The following IL23R variants were observed in gnomAD, a reference collection of about 807,000 sequenced individuals.
IL23R encodes the protein interleukin 23 receptor.
Under a neutral mutation model 56.9 loss-of-function variants are expected in IL23R, and 34 were observed. The ratio of observed to expected loss-of-function variants is 0.60; its 90% CI spans 0.45 to 0.80. The LOEUF (loss-of-function observed/expected upper bound fraction) is 0.80. Ranked by LOEUF, IL23R falls within the 30% of genes least tolerant of loss-of-function variation. IL23R has a pLI of 0.00. For synonymous variants in IL23R, 230 were observed against 249.2 expected (o/e 0.92, Z 0.73); for missense variants, 635 against 730.0 (o/e 0.87, Z 1.50).
intron 8 of IL23R, among the ~76,000 whole-genome samples, chr1:67,238,241 G>T (rs964991776): frequency 6.6e-6 from 1 of 151,870 alleles, no homozygotes; most frequent in Admixed American, 6.6e-5. Flanking sequence ...CCAGCTACTT[G>T]GGAGGCTGAG....
intron 1 of IL23R, among the ~76,000 whole-genome samples, chr1:67,159,874 G>T (rs901287462): frequency 6.6e-6 from 1 of 152,166 alleles, no homozygotes; most frequent in Non-Finnish European, 1.5e-5. Context: ...TCTGTACGAC[G>T]CATTAATTAC....
intron 6 of IL23R, among the ~76,000 whole-genome samples, chr1:67,213,266 AG>A (rs1649620209): frequency 6.6e-6 from 1 of 152,220 alleles, no homozygotes; most frequent in Non-Finnish European, 1.5e-5. Context: ...GTTGTGGGAA[AG>A]GGGATCCAAT....
chr1:67,221,123 C>T (rs1281706857), intron 7 of IL23R, among the ~76,000 whole-genome samples: 1 of 152,150 alleles, frequency 6.6e-6, no homozygotes, highest in African/African-American at 2.4e-5. Flanking sequence ...GAGCTTGAGA[C>T]CAGCCTGGCC....
intron 7 of IL23R, among the ~76,000 whole-genome samples, chr1:67,222,157 C>T (rs1356234622): frequency 8.6e-6 from 1 of 116,498 alleles, no homozygotes; most frequent in Non-Finnish European, 1.6e-5. Context: ...TGCTCTTTTG[C>T]CCAGCCTGAG....
At chr1:67,222,102 C>CTTTTTTTTTTTTTTTTTTTTTTTTTT (rs72241835) in intron 7 of IL23R, among the ~76,000 whole-genome samples, 9 of 58,900 alleles carry the variant, frequency 1.5e-4, no homozygotes, top group East Asian at 6.0e-4. Flanking sequence ...TTCTTTCTTT[C>CTTTTTTTTTTTTTTTTTTTTTTTTTT]TTTTTTTTTT....
At chr1:67,232,835 T>C (rs1651188463) in intron 7 of IL23R, among the ~76,000 whole-genome samples, 1 of 151,996 alleles carries the variant, frequency 6.6e-6, no homozygotes, top group South Asian at 2.1e-4. Flanking sequence ...CGGGAGGTAA[T>C]TGAATGGTGG....
intron 4 of IL23R, among the ~76,000 whole-genome samples, chr1:67,188,779 C>T (rs553434495): frequency 6.6e-6 from 1 of 152,222 alleles, no homozygotes; most frequent in African/African-American, 2.4e-5. Flanking sequence ...AGGGGCCAGG[C>T]AGCTCCCTTC....
rs551830264 is a variant in IL23R at position 67,149,418 on chromosome 1, C to T, written c.-634+10257C>T. Among the ~76,000 whole-genome samples, 3 of 152,190 alleles carry T rather than the reference C, an allele frequency of 2.0e-5. No individual in the cohort carries two copies. The South Asian group carries it at 6.2e-4, about 32-fold the overall frequency. On this transcript the variant is annotated intron_variant, in intron 1 of 10. Transcript: ENST00000637002. ...TATTCCACACTTCAGCTTGAACCTC[C>T]GTGACCTGTCTCCGCTTCTCCTTGG...
intron 10 of IL23R, among the ~76,000 whole-genome samples, chr1:67,257,431 G>A (rs1385740447): frequency 6.6e-6 from 1 of 152,068 alleles, no homozygotes; most frequent in Non-Finnish European, 1.5e-5. Flanking sequence ...CCGCCCTCAT[G>A]ACCTAATTAC....
chr1:67,252,303 A>T (rs1462980344), intron 9 of IL23R, among the ~76,000 whole-genome samples: 3 of 152,206 alleles, frequency 2.0e-5, no homozygotes, highest in African/African-American at 7.2e-5. Context: ...GTGAATTTCC[A>T]AATGCCAAAT....
chr1:67,173,513 G>A (rs2102562744), intron 3 of IL23R, among the ~76,000 whole-genome samples: 1 of 152,190 alleles, frequency 6.6e-6, no homozygotes, highest in Middle Eastern at 3.4e-3. Flanking sequence ...TTAAATTTAT[G>A]TTTCCACACC....
rs147528524 is a variant in IL23R at position 67,198,186 on chromosome 1, C to T, written c.492-2551C>T. The stretch of plus-strand genomic sequence containing the variant: ...AAGGGTCTGCCCCACAAGTCCTCAC[C>T]TCCAACACTGGTGATGACTTTGCAA... On this transcript the variant is annotated intron_variant, in intron 4 of 10. Coordinates refer to ENST00000347310, the MANE Select transcript of IL23R (RefSeq NM_144701.3). Among the ~76,000 whole-genome samples, 228 of 152,286 alleles carry T rather than the reference C, an allele frequency of 1.5e-3. 1 individual carries two copies. The highest frequency in any genetic ancestry group is 5.3e-3 in the African/African-American group (220 of 41,558).
chr1:67,221,039 A>G (rs780253898), intron 7 of IL23R, among the ~76,000 whole-genome samples: 1 of 151,540 alleles, frequency 6.6e-6, no homozygotes, highest in African/African-American at 2.4e-5. Flanking sequence ...GAAAAATATT[A>G]TCTGGGTGTG....
intron 1 of IL23R, 56 bp from the exon 2 acceptor site, chr1:67,168,036 T>C (rs1325878915): frequency 1.0e-6 from 1 of 992,834 alleles, no homozygotes; most frequent in Admixed American, 1.7e-5. Flanking sequence ...ATGTTATGCT[T>C]TTTATTATTT....
chr1:67,159,349 C>A (rs995524724), intron 1 of IL23R, among the ~76,000 whole-genome samples: 1 of 152,016 alleles, frequency 6.6e-6, no homozygotes, highest in Non-Finnish European at 1.5e-5. Flanking sequence ...CTCTCTCCTG[C>A]CACCATGTGA....
intron 9 of IL23R, 29 bp downstream of exon 9, chr1:67,240,310 G>A (rs1387920696): frequency 7.0e-7 from 1 of 1,428,332 alleles, no homozygotes; most frequent in East Asian, 2.3e-5. Flanking sequence ...TCTGTTTTCT[G>A]ATTTAGACTA....
chr1:67,143,462 T>C (rs1646655965), intron 1 of IL23R, among the ~76,000 whole-genome samples: 1 of 152,188 alleles, frequency 6.6e-6, no homozygotes, highest in Admixed American at 6.5e-5. Flanking sequence ...ATGCATTAAT[T>C]AGTGGGTCAC....
intron 3 of IL23R, among the ~76,000 whole-genome samples, chr1:67,181,140 G>T (rs555220319): frequency 2.8e-4 from 43 of 152,254 alleles, no homozygotes; most frequent in African/African-American, 9.1e-4. Context: ...GGCGTTCTCT[G>T]TATTTCCTGA....
At chr1:67,224,344 C>T (rs1356210785) in intron 7 of IL23R, among the ~76,000 whole-genome samples, 3 of 152,240 alleles carry the variant, frequency 2.0e-5, no homozygotes, top group African/African-American at 7.2e-5. Context: ...GCCAGCCAAA[C>T]TTTTCCAGTG....
Sources: allele counts gnomAD v4.1 joint callset (sites outside exome capture counted in the v4.1 genomes callset), GRCh38; gene constraint gnomAD v4.1.1; transcripts MANE v1.5; gene names NCBI Gene and HGNC (gene_info 2026-07-23, HGNC 2026-07-21).